Variants in ARHGAP32 observed in about 807,000 individuals in gnomAD.
ARHGAP32 encodes Rho GTPase activating protein 32, also known as rho GTPase-activating protein 32.
In ARHGAP32, 51 loss-of-function variants were observed where a neutral mutation model predicts 186.5. That is an observed-to-expected ratio of 0.27 (90% CI 0.22 to 0.35). The LOEUF (loss-of-function observed/expected upper bound fraction) is 0.35, where lower values mean the gene tolerates loss of function less well. Among genes scored for constraint, ARHGAP32 ranks in the 10% least tolerant of loss-of-function variants. ARHGAP32 has a pLI of 1.00. For synonymous variants in ARHGAP32, 950 were observed against 964.3 expected (o/e 0.99, Z 0.27); for missense variants, 2,186 against 2,623.5 (o/e 0.83, Z 3.64).
chr11:129,060,336 C>CATAGATAGATAGATAG (rs60434028), intron 10 of ARHGAP32, among the ~76,000 whole-genome samples: 103 of 148,554 alleles, frequency 6.9e-4, no homozygotes, highest in East Asian at 1.4e-3. Flanking sequence ...AGGTGTTACA[C>CATAGATAGATAGATAG]ATAGATAGAT....
At chr11:129,001,330 T>A (rs752334083) in intron 11 of ARHGAP32, among the ~76,000 whole-genome samples, 36 of 152,220 alleles carry the variant, frequency 2.4e-4, no homozygotes, top group Non-Finnish European at 1.6e-4. Context: ...TGAGGTAACA[T>A]CTCATTGTAG....
At chr11:129,237,971 T>C (rs929204068) in intron 1 of ARHGAP32, among the ~76,000 whole-genome samples, 1 of 151,946 alleles carries the variant, frequency 6.6e-6, no homozygotes, top group Non-Finnish European at 1.5e-5. Flanking sequence ...TAGTGAGAAG[T>C]GGCCCAACTG....
chr11:129,156,666 C>T (rs564737541), intron 2 of ARHGAP32, among the ~76,000 whole-genome samples: 4 of 152,302 alleles, frequency 2.6e-5, no homozygotes, highest in East Asian at 3.9e-4. Context: ...CAGACCTAAA[C>T]GTTCCTGCCT....
chr11:129,024,188 TG>T (rs1938730755), intron 11 of ARHGAP32: 2 of 985,452 alleles, frequency 2.0e-6, no homozygotes, highest in South Asian at 9.4e-5. Context: ...CAGCACATAC[TG>T]CTTTGCAACA....
intron 2 of ARHGAP32, among the ~76,000 whole-genome samples, chr11:129,133,168 A>G (rs1184068333): frequency 6.6e-6 from 1 of 152,174 alleles, no homozygotes; most frequent in African/African-American, 2.4e-5. Context: ...AGTGACAGAG[A>G]AAAGAGTCAG....
chr11:129,083,806 A>T (rs1477975245), intron 6 of ARHGAP32, among the ~76,000 whole-genome samples: 6 of 152,166 alleles, frequency 3.9e-5, no homozygotes, highest in Admixed American at 3.9e-4. Flanking sequence ...AAGTAAAGAA[A>T]AGAAAATAAA....
At chr11:129,099,631 G>C (rs767996931) in intron 5 of ARHGAP32, among the ~76,000 whole-genome samples, 2 of 152,140 alleles carry the variant, frequency 1.3e-5, no homozygotes, top group African/African-American at 4.8e-5. Context: ...AACCAAAAGA[G>C]AGTGGAGGTG....
intron 12 of ARHGAP32, among the ~76,000 whole-genome samples, chr11:128,992,849 A>G (rs1946098250): frequency 6.6e-6 from 1 of 152,206 alleles, no homozygotes; most frequent in Admixed American, 6.5e-5. Context: ...CTATGCTCAA[A>G]AAAAGTACTA....
chr11:129,114,156 A>G (rs1407544858), intron 5 of ARHGAP32, among the ~76,000 whole-genome samples: 3 of 152,054 alleles, frequency 2.0e-5, no homozygotes, highest in African/African-American at 7.2e-5. Flanking sequence ...CCTTCTCAAA[A>G]TCCTGCAATA....
intron 5 of ARHGAP32, among the ~76,000 whole-genome samples, chr11:129,094,677 T>C (rs1941680376): frequency 6.6e-6 from 1 of 152,210 alleles, no homozygotes; most frequent in Non-Finnish European, 1.5e-5. Flanking sequence ...GAGTATTAAT[T>C]GTCATTCATC....
At chr11:129,147,520 G>A (rs1943190725) in intron 2 of ARHGAP32, among the ~76,000 whole-genome samples, 1 of 152,110 alleles carries the variant, frequency 6.6e-6, no homozygotes, top group African/African-American at 2.4e-5. Context: ...GATTCCATAG[G>A]CGTATGGGAT....
chr11:129,232,234 TAGAC>T (rs1325554937), intron 1 of ARHGAP32, among the ~76,000 whole-genome samples: 9 of 152,104 alleles, frequency 5.9e-5, no homozygotes, highest in African/African-American at 2.2e-4. Context: ...ACGTATCAGT[TAGAC>T]AGATATTCTG....
At chr11:129,057,982 T>C (rs1387788063) in intron 10 of ARHGAP32, among the ~76,000 whole-genome samples, 1 of 152,134 alleles carries the variant, frequency 6.6e-6, no homozygotes, top group East Asian at 1.9e-4. Context: ...TCTGGTACCT[T>C]AACTTCTAGC....
At chr11:129,006,304 T>C (rs1937769422) in intron 11 of ARHGAP32, among the ~76,000 whole-genome samples, 1 of 152,196 alleles carries the variant, frequency 6.6e-6, no homozygotes, top group South Asian at 2.1e-4. Flanking sequence ...TGTCTGAGCA[T>C]TGAAGAGTCA....
intron 10 of ARHGAP32, among the ~76,000 whole-genome samples, chr11:129,061,602 GA>G (rs944705006): frequency 1.3e-5 from 2 of 152,130 alleles, no homozygotes; most frequent in African/African-American, 4.8e-5. Context: ...GCTACTGAAT[GA>G]CTAATGGGGC....
chr11:129,178,470 A>T (rs1054995732), intron 1 of ARHGAP32, among the ~76,000 whole-genome samples: 1 of 152,170 alleles, frequency 6.6e-6, no homozygotes. Flanking sequence ...ACCAAAAAAG[A>T]GCCCACAACG....
intron 10 of ARHGAP32, among the ~76,000 whole-genome samples, chr11:129,053,429 T>A (rs1940132960): frequency 6.6e-6 from 1 of 152,162 alleles, no homozygotes; most frequent in African/African-American, 2.4e-5. Context: ...TCTACCATTT[T>A]AAAATGATAG....
intron 5 of ARHGAP32, among the ~76,000 whole-genome samples, chr11:129,117,019 C>G (rs1418683725): frequency 6.6e-6 from 1 of 151,858 alleles, no homozygotes; most frequent in Non-Finnish European, 1.5e-5. Flanking sequence ...TACTTAAGAT[C>G]ACAATGGAAA....
At chr11:129,209,756 C>T (rs1944557922) in intron 1 of ARHGAP32, among the ~76,000 whole-genome samples, 1 of 151,876 alleles carries the variant, frequency 6.6e-6, no homozygotes, top group African/African-American at 2.4e-5. Flanking sequence ...CTCTTAAAAG[C>T]ACAAAACTGA....
Sources: allele counts gnomAD v4.1 joint callset (sites outside exome capture counted in the v4.1 genomes callset), GRCh38; gene constraint gnomAD v4.1.1; transcripts MANE v1.5; gene names NCBI Gene and HGNC (gene_info 2026-07-23, HGNC 2026-07-21).